Variants in CCDC91 observed in about 807,000 individuals in gnomAD.
CCDC91 encodes the protein coiled-coil domain-containing protein 91.
A neutral mutation model predicts 63.2 loss-of-function variants in CCDC91; 48 were observed. The observed-to-expected ratio is 0.76, with a 90% CI of 0.60 to 0.97. The LOEUF is 0.97. Ranked by LOEUF, CCDC91 falls within the 50% of genes least tolerant of loss-of-function variation. The probability of loss-of-function intolerance (pLI) is 0.00; values close to 1 mark genes in which losing one functional copy is unlikely to be tolerated. For synonymous variants in CCDC91, 167 were observed against 165.8 expected (o/e 1.01, Z -0.06); for missense variants, 500 against 494.6 (o/e 1.01, Z -0.10).
chr12:28,277,499 A>T (rs916913934), intron 3 of CCDC91, among the ~76,000 whole-genome samples: 1 of 152,092 alleles, frequency 6.6e-6, no homozygotes, highest in African/African-American at 2.4e-5. Context: ...ATGCTCCAAA[A>T]TCCAAAACTT....
At chr12:28,438,359 TC>T (rs1338138174) in intron 8 of CCDC91, among the ~76,000 whole-genome samples, 1 of 152,102 alleles carries the variant, frequency 6.6e-6, no homozygotes, top group African/African-American at 2.4e-5. Flanking sequence ...ATGGCCTTTG[TC>T]TGCTCAAGAG....
At chr12:28,270,713 A>G (rs1473233344) in intron 3 of CCDC91, among the ~76,000 whole-genome samples, 1 of 152,146 alleles carries the variant, frequency 6.6e-6, no homozygotes, top group African/African-American at 2.4e-5. Context: ...TCTAAACACA[A>G]GTATTTTGCG....
chr12:28,320,491 T>A (rs984122188), intron 6 of CCDC91, among the ~76,000 whole-genome samples: 5 of 152,040 alleles, frequency 3.3e-5, no homozygotes, highest in Non-Finnish European at 7.4e-5. Flanking sequence ...CTGTTATTTT[T>A]GAATATTCTA....
At chr12:28,201,588 C>T (rs9686138) in intron 1 of CCDC91, among the ~76,000 whole-genome samples, 4 of 146,552 alleles carry the variant, frequency 2.7e-5, no homozygotes, top group Admixed American at 1.3e-4. Flanking sequence ...AGGCGATGGG[C>T]GGCCAGGCAG....
chr12:28,463,048 T>C (rs1037028973), intron 11 of CCDC91, among the ~76,000 whole-genome samples: 4 of 152,206 alleles, frequency 2.6e-5, no homozygotes, highest in Non-Finnish European at 5.9e-5. Context: ...GTATTTACTA[T>C]ATACATGAAA....
intron 12 of CCDC91, among the ~76,000 whole-genome samples, chr12:28,513,982 A>G (rs953533921): frequency 6.6e-6 from 1 of 151,916 alleles, no homozygotes; most frequent in African/African-American, 2.4e-5. Context: ...ATACCTAGCA[A>G]TGGGATTTCT....
chr12:28,323,502 C>A (rs963808917), intron 6 of CCDC91, among the ~76,000 whole-genome samples: 7 of 151,696 alleles, frequency 4.6e-5, no homozygotes. Context: ...CTGTGTATTC[C>A]TGTGATAGTA....
At chr12:28,297,722 A>T (rs1565753498) in intron 3 of CCDC91, among the ~76,000 whole-genome samples, 1 of 151,834 alleles carries the variant, frequency 6.6e-6, no homozygotes, top group African/African-American at 2.4e-5. Flanking sequence ...GATTTTGGGC[A>T]TGAGGACTGA....
chr12:28,518,946 G>A (rs144237576), intron 12 of CCDC91, among the ~76,000 whole-genome samples: 3 of 151,816 alleles, frequency 2.0e-5, no homozygotes, highest in Non-Finnish European at 2.9e-5. Flanking sequence ...TTGCTTTGTC[G>A]AAGATCAGTT....
At chr12:28,429,901 T>C (rs1030662468) in intron 8 of CCDC91, among the ~76,000 whole-genome samples, 6 of 152,082 alleles carry the variant, frequency 3.9e-5, no homozygotes, top group African/African-American at 1.4e-4. Context: ...CTGTAATGTA[T>C]TTTTAAGAAC....
chr12:28,506,239 A>G (rs10506038), intron 12 of CCDC91, among the ~76,000 whole-genome samples: 31,687 of 151,880 alleles, frequency 0.21, 4,325 homozygotes, highest in Non-Finnish European at 0.31. Context: ...AGACTTGGTA[A>G]TGGGTAAAGA....
intron 12 of CCDC91, among the ~76,000 whole-genome samples, chr12:28,548,638 C>G (rs1309295229): frequency 2.0e-5 from 3 of 152,042 alleles, no homozygotes; most frequent in Non-Finnish European, 4.4e-5. Flanking sequence ...TTTATCTCCT[C>G]CCTTATAATT....
chr12:28,487,914 A>G (rs1374774459), intron 12 of CCDC91, among the ~76,000 whole-genome samples: 3 of 151,732 alleles, frequency 2.0e-5, no homozygotes. Context: ...TTTCCCCTAC[A>G]TCTTTTTTTT....
chr12:28,205,577 C>A, intron 1 of CCDC91, among the ~76,000 whole-genome samples: 1 of 152,120 alleles, frequency 6.6e-6, no homozygotes, highest in East Asian at 1.9e-4. Flanking sequence ...GACTGTATTG[C>A]AGCCACACGG....
rs1167520122 is a variant in CCDC91 at position 28,441,619 on chromosome 12, A to C, written c.763-8542A>C. Among the ~76,000 whole-genome samples, 5 of 130,552 alleles carry C rather than the reference A, an allele frequency of 3.8e-5. No individual in the cohort carries two copies. The East Asian group carries it at 8.3e-4, about 22-fold the overall frequency. The allele number at this position is 130,552 out of a possible 152,430, so 85.6% of individuals were successfully genotyped here. The stretch of plus-strand genomic sequence containing the variant: ...TGTATGTATACATATATATATATAT[A>C]TCTCATATGTGTATATATATCTCTC... On this transcript the variant is annotated intron_variant, in intron 8 of 12. Coordinates refer to ENST00000536442, the MANE Select transcript of CCDC91 (RefSeq NM_018318.5).
intron 3 of CCDC91, among the ~76,000 whole-genome samples, chr12:28,276,406 A>G (rs1326968941): frequency 1.3e-5 from 2 of 152,048 alleles, no homozygotes; most frequent in African/African-American, 2.4e-5. Context: ...TGAAATAAAC[A>G]GGCAATCATA....
At chr12:28,228,944 A>G (rs1944431184) in intron 1 of CCDC91, among the ~76,000 whole-genome samples, 1 of 152,202 alleles carries the variant, frequency 6.6e-6, no homozygotes, top group Admixed American at 6.5e-5. Context: ...TGTACATTAT[A>G]AAACACAGAG....
chr12:28,450,213 A>G lies in CCDC91; in HGVS notation c.815A>G (p.Lys272Arg). 1 of 1,610,704 alleles carries G rather than the reference A, an allele frequency of 6.2e-7. No individual in the cohort carries two copies. The highest frequency in any genetic ancestry group is 8.5e-7 in the Non-Finnish European group (1 of 1,177,964). ...ACAGAGAAGGAACTGTTAAAAGAAA[A>G]AATAAAGGAAGCTTTGATTCAGCAA... ...LDTEKELLKE[K>R]IKEALIQQSQ... The change falls in exon 9 of 13, where the codon AAA (lysine) becomes AGA (arginine). Residue 272 changes from lysine (K) to arginine (R), a missense_variant. Coordinates refer to ENST00000536442, the MANE Select transcript of CCDC91 (RefSeq NM_018318.5).
intron 1 of CCDC91, among the ~76,000 whole-genome samples, chr12:28,201,094 CA>C (rs1942238596): frequency 6.7e-6 from 1 of 150,252 alleles, no homozygotes; most frequent in African/African-American, 2.4e-5. Flanking sequence ...AGGCGCCCCT[CA>C]CCTCCCGGAC....
Sources: allele counts gnomAD v4.1 joint callset (sites outside exome capture counted in the v4.1 genomes callset), GRCh38; gene constraint gnomAD v4.1.1; transcripts MANE v1.5; gene names NCBI Gene and HGNC (gene_info 2026-07-23, HGNC 2026-07-21).